INF2: variants seen among roughly 807,000 people sequenced by gnomAD.
INF2 encodes the protein inverted formin 2.
Under a neutral mutation model 123.5 loss-of-function variants are expected in INF2, and 43 were observed. The ratio of observed to expected loss-of-function variants is 0.35; its 90% CI spans 0.27 to 0.45. The LOEUF (loss-of-function observed/expected upper bound fraction) is 0.45. Among genes scored for constraint, INF2 ranks in the 20% least tolerant of loss-of-function variants. INF2 has a pLI of 1.00. For missense variants in INF2, 1,453 were observed against 1,682.7 expected, an observed-to-expected ratio of 0.86 and a Z score of 2.39; for synonymous variants, 851 against 745.0, an observed-to-expected ratio of 1.14 and a Z score of -2.32.
At chr14:104,716,686 CTTTTTAT>C (rs1566787685) in intron 22 of INF2, among the ~76,000 whole-genome samples, 1 of 152,156 alleles carries the variant, frequency 6.6e-6, no homozygotes, top group Non-Finnish European at 1.5e-5. Flanking sequence ...CTCTCCCCAA[CTTTTTAT>C]TTTTTATTTT....
rs1306481005 is a variant in INF2 at position 104,707,602 on chromosome 14, C to G, written c.1335C>G (p.Pro445=). 4.5e-5 allele frequency: 52 copies of G among 1,168,154 alleles called. No individual in the cohort carries two copies. Among genetic ancestry groups the G allele is most frequent in the Non-Finnish European group, 5.7e-5 (48 of 838,956 alleles). 72.4% of individuals were successfully genotyped at this position (1,168,154 alleles called of 1,614,324 possible). ...CCCCTCCCCCTCCCCCACCACCCCC[C>G]CTGCCCAGTGTGGGGGCTAAGGCCC... ...AEPPPPPPPP[P]LPSVGAKALP... Residue 445 remains proline, a synonymous_variant, in exon 8 of 23, where the codon CCC becomes CCG. Coordinates refer to ENST00000392634, the MANE Select transcript of INF2 (RefSeq NM_022489.4).
chr14:104,717,257 CCG>C (rs1261278920), intron 22 of INF2, among the ~76,000 whole-genome samples: 4 of 141,656 alleles, frequency 2.8e-5, no homozygotes, highest in African/African-American at 1.1e-4. Context: ...TCCTCCCAGT[CCG>C]CCCCCACCGG....
upstream of INF2, among the ~76,000 whole-genome samples, chr14:104,686,639 AG>A (rs537910845): frequency 1.8e-3 from 279 of 152,292 alleles, no homozygotes; most frequent in African/African-American, 6.0e-3. Context: ...AAATCTCAAA[AG>A]GGGAAAAAAG....
chr14:104,718,185 T>C (rs1890403779), intron 22 of INF2, among the ~76,000 whole-genome samples: 1 of 152,232 alleles, frequency 6.6e-6, no homozygotes, highest in South Asian at 2.1e-4. Flanking sequence ...GCTTGGGCCA[T>C]CCCACTGGGG....
chr14:104,713,586 C>T lies in INF2; in HGVS notation c.3020C>T (p.Pro1007Leu). The T allele has an allele frequency of 1.9e-6, 3 of 1,612,588 alleles. No homozygotes were observed. Among genetic ancestry groups the T allele is most frequent in the Non-Finnish European group, 2.5e-6 (3 of 1,179,774 alleles). ...DGGSKAASMD[P>L]PRATEPVATS... ...GGCAGCAAGGCAGCCTCCATGGATC[C>T]CCCAAGAGCCACAGAGCCTGGTAAG... Residue 1007 changes from proline (P) to leucine (L), a missense_variant, in exon 20 of 23, where the codon CCC becomes CTC. Pro to Leu is a moderately conservative substitution (Grantham distance 98). This residue lies in a region of INF2 where 344 missense variants were observed against 333.1 expected (regional missense o/e 1.03). Coordinates refer to ENST00000392634, the MANE Select transcript of INF2 (RefSeq NM_022489.4).
chr14:104,716,220 G>A (rs1477096039), intron 22 of INF2, among the ~76,000 whole-genome samples: 3 of 152,162 alleles, frequency 2.0e-5, no homozygotes, highest in South Asian at 2.1e-4. Flanking sequence ...TATGCTGACC[G>A]CTGGGCCTGG....
intron 21 of INF2, 128 bp from the exon 22 acceptor site, chr14:104,715,156 C>A: frequency 1.1e-6 from 1 of 928,650 alleles, no homozygotes; most frequent in Non-Finnish European, 1.7e-6. Flanking sequence ...GGCTTAGTGG[C>A]CAGAGAACCG....
chr14:104,718,140 T>C (rs1236729151), intron 22 of INF2, among the ~76,000 whole-genome samples: 2 of 152,262 alleles, frequency 1.3e-5, no homozygotes, highest in African/African-American at 2.4e-5. Flanking sequence ...TTTTGTTTTC[T>C]TGCTGTCTGT....
chr14:104,719,547 G>C lies in INF2; in HGVS notation c.*754G>C, dbSNP rs916198360. On this transcript the variant is annotated 3_prime_UTR_variant, in exon 23 of 23. Transcript: ENST00000392634. ...GGCAGCCTACCCGAGCCTGCCCCCTGCCAGGTGTGTGCCCTGAGGCTGGCG... is the reference window on the plus strand; with the variant it reads ...GGCAGCCTACCCGAGCCTGCCCCCTCCCAGGTGTGTGCCCTGAGGCTGGCG... The C allele has an allele frequency of 6.6e-6, 1 of 152,246 alleles. No homozygotes were observed. Among genetic ancestry groups the C allele is most frequent in the African/African-American group, 2.4e-5 (1 of 41,456 alleles). 9.4% of individuals were successfully genotyped at this position (152,246 alleles called of 1,614,324 possible). A position where few individuals can be genotyped will look rare whatever the true frequency, so the allele number is the denominator to read the frequency against.
At chr14:104,695,580 A>ACAC (rs539837179) in intron 1 of INF2, among the ~76,000 whole-genome samples, 57 of 136,290 alleles carry the variant, frequency 4.2e-4, no homozygotes, top group South Asian at 8.7e-4. Flanking sequence ...GCGCTTGCCG[A>ACAC]CTCTCCTCCC....
At position 104,713,236 on chromosome 14, in the gene INF2, G is replaced by T; in HGVS notation, c.2805G>T (p.Ala935=). ...KENKDRKEQA[A]KAERRKQQLA... ...ACAAGGACCGGAAGGAGCAGGCGGC[G>T]AAGGCAGAGAGGAGGAAGCAGCAGC... is the stretch of plus-strand genomic sequence containing the variant. The change falls in exon 19 of 23, where the codon GCG becomes GCT. Residue 935 remains alanine, a synonymous_variant. Transcript: ENST00000392634. 1 of 1,553,248 alleles carries T rather than the reference G, an allele frequency of 6.4e-7. No homozygotes were observed. Among genetic ancestry groups the T allele is most frequent in the Non-Finnish European group, 8.7e-7 (1 of 1,149,102 alleles).
At chr14:104,712,241 C>G (rs1351476983) in intron 16 of INF2, among the ~76,000 whole-genome samples, 192 bp from the exon 17 acceptor site, 8 of 152,268 alleles carry the variant, frequency 5.3e-5, no homozygotes, top group African/African-American at 1.9e-4. Context: ...TTAGGGTCCC[C>G]GCCCAGATGC....
At chr14:104,718,483 G>T (rs1434512410) in intron 22 of INF2, among the ~76,000 whole-genome samples, 1 of 152,146 alleles carries the variant, frequency 6.6e-6, no homozygotes, top group African/African-American at 2.4e-5. Flanking sequence ...AGGACAGAGT[G>T]CAGCCTGGGT....
chr14:104,684,316 A>G lies in INF2; in HGVS notation c.-104+2734A>G, dbSNP rs771663830. 1.2e-5 allele frequency: 4 copies of G among 336,364 alleles called. No homozygotes were observed. Among genetic ancestry groups the G allele is most frequent in the South Asian group, 2.3e-5 (1 of 43,244 alleles). The allele number at this position is 336,364 out of a possible 1,614,324, so 20.8% of individuals were successfully genotyped here. A position where few individuals can be genotyped will look rare whatever the true frequency, so the allele number is the denominator to read the frequency against. On this transcript the variant is annotated intron_variant, in intron 1 of 2. Coordinates refer to the INF2 transcript ENST00000674723. The surrounding 1 kb of genome is among the most constrained non-coding windows in gnomAD (Gnocchi z 5.0). ...GGGCCAGCACTGGCTTAGCCTGCTC[A>G]GTGAGGTGCCCGAAGGAGGCCCACC...
At chr14:104,709,252 A>G in intron 10 of INF2, 29 bp from the exon 11 acceptor site, 1 of 1,568,102 alleles carries the variant, frequency 6.4e-7, no homozygotes, top group East Asian at 2.3e-5. Context: ...TGATTCACTC[A>G]CCCCTGCCCG....
chr14:104,689,594 G>GCCC, upstream of INF2: 1 of 251,138 alleles, frequency 4.0e-6, no homozygotes, highest in Non-Finnish European at 5.5e-6. Flanking sequence ...TCTTCCTCCC[G>GCCC]CCCGCCCCGC....
chr14:104,718,139 C>T (rs1203329480), intron 22 of INF2, among the ~76,000 whole-genome samples: 2 of 152,262 alleles, frequency 1.3e-5, no homozygotes, highest in Non-Finnish European at 2.9e-5. Flanking sequence ...TTTTTGTTTT[C>T]TTGCTGTCTG....
intron 9 of INF2, 23 bp downstream of exon 9, chr14:104,708,610 G>C: frequency 1.9e-6 from 3 of 1,612,664 alleles, no homozygotes; most frequent in Non-Finnish European, 2.5e-6. Context: ...AGGGGACTCA[G>C]ACCGGGGCCG....
chr14:104,683,890 G>A (rs948105335), intron 1 of INF2, among the ~76,000 whole-genome samples: 2 of 152,292 alleles, frequency 1.3e-5, no homozygotes, highest in African/African-American at 4.8e-5. Flanking sequence ...CAGAAGCAGA[G>A]CAAGTCAGAA....
Sources: allele counts gnomAD v4.1 joint callset (sites outside exome capture counted in the v4.1 genomes callset), GRCh38; gene constraint gnomAD v4.1.1; regional missense constraint gnomAD v4.1.1; non-coding constraint Gnocchi (gnomAD v3.1); transcripts MANE v1.5; gene names NCBI Gene and HGNC (gene_info 2026-07-23, HGNC 2026-07-21).